SLC7A9: variants seen among roughly 807,000 people sequenced by gnomAD.
SLC7A9 encodes solute carrier family 7 member 9, also known as B(0,+)-type amino acid transporter 1.
A neutral mutation model predicts 54.1 loss-of-function variants in SLC7A9; 38 were observed. The observed-to-expected ratio is 0.70, with a 90% confidence interval of 0.54 to 0.92. SLC7A9 has a LOEUF of 0.92. Ranked by LOEUF, SLC7A9 falls within the 40% of genes least tolerant of loss-of-function variation. The pLI, the probability that SLC7A9 is intolerant of heterozygous loss-of-function variation, is 0.00. For missense variants in SLC7A9, 537 were observed against 636.1 expected (o/e 0.84, Z 1.68); for synonymous variants, 264 against 258.9 (o/e 1.02, Z -0.19).
In SLC7A9 at chr19:32,864,609, A is replaced by C. The variant is rs1390720741; in HGVS notation, c.235+20T>G. 4 of 1,611,878 alleles carry C rather than the reference A, an allele frequency of 2.5e-6. No homozygotes were observed. In the Admixed American group the frequency reaches 6.7e-5, roughly 27 times the overall value. ...CCCTGCATGCTTCCGGGGCTGCAAC[A>C]GGCTCCCAAGTCTCTTTACCCAGCG... On this transcript the variant is annotated intron_variant, in intron 3 of 12. Transcript: ENST00000023064.
rs545994432 is a variant in SLC7A9, at chr19:32,868,376, A to C, written c.87+72T>G. 5.9e-5 allele frequency: 67 copies of C among 1,139,994 alleles called. No individual in the cohort carries two copies. In the South Asian group the frequency reaches 8.1e-4, roughly 14 times the overall value. The allele number at this position is 1,139,994 out of a possible 1,614,324, so 70.6% of individuals were successfully genotyped here. ...GTCACTAGGGATCGGCCCGGATTTCACTGCCTGCGCCCCTCGTTCAGACGC... is the reference window on the plus strand; with the variant it reads ...GTCACTAGGGATCGGCCCGGATTTCCCTGCCTGCGCCCCTCGTTCAGACGC... On this transcript the variant is annotated intron_variant, in intron 2 of 12. Coordinates refer to ENST00000023064, the MANE Select transcript of SLC7A9 (RefSeq NM_014270.5).
intron 9 of SLC7A9, among the ~76,000 whole-genome samples, chr19:32,846,506 A>G (rs1968300800): frequency 6.6e-6 from 1 of 152,180 alleles, no homozygotes; most frequent in Non-Finnish European, 1.5e-5. Flanking sequence ...GATTAGGTAA[A>G]CAAAGCAGCC....
At chr19:32,842,096 G>T in intron 11 of SLC7A9, 72 bp downstream of exon 11, 1 of 1,443,118 alleles carries the variant, frequency 6.9e-7, no homozygotes, top group Non-Finnish European at 9.7e-7. Flanking sequence ...CATGCCCCTA[G>T]CATTTGAAAG....
chr19:32,858,411 C>T (rs868053825), intron 9 of SLC7A9, 29 bp downstream of exon 9: 2 of 1,510,378 alleles, frequency 1.3e-6, no homozygotes, highest in South Asian at 2.2e-5. Context: ...CCCCTGTCCA[C>T]CCTGGGAGTG....
In SLC7A9 at chr19:32,860,469, T is replaced by C. The variant is rs1172187360; in HGVS notation, c.749+137A>G. ...CTAGGCAACAGAGCAAGACTCTGTC[T>C]CAAAAAAAAAAAAAAAGAAATAATT... On this transcript the variant is annotated intron_variant, in intron 7 of 12. Coordinates refer to ENST00000023064, the MANE Select transcript of SLC7A9 (RefSeq NM_014270.5). 7 of 1,234,880 alleles carry C rather than the reference T, an allele frequency of 5.7e-6. No individual in the cohort carries two copies. In the South Asian group the frequency reaches 5.9e-5, roughly 10 times the overall value. The allele number at this position is 1,234,880 out of a possible 1,614,324, so 76.5% of individuals were successfully genotyped here. A position where few individuals can be genotyped will look rare whatever the true frequency, so the allele number is the denominator to read the frequency against.
intron 9 of SLC7A9, among the ~76,000 whole-genome samples, chr19:32,848,371 G>A (rs1968364106): frequency 6.6e-6 from 1 of 151,942 alleles, no homozygotes; most frequent in Admixed American, 6.6e-5. Flanking sequence ...AACAAAAAAA[G>A]GCAGGGGTTG....
chr19:32,846,737 C>A (rs1383802401), intron 9 of SLC7A9, among the ~76,000 whole-genome samples: 2 of 152,166 alleles, frequency 1.3e-5, no homozygotes, highest in Non-Finnish European at 2.9e-5. Context: ...GGGTCCCTGA[C>A]CCCCCAGCAG....
intron 9 of SLC7A9, among the ~76,000 whole-genome samples, chr19:32,851,621 T>C (rs1968468980): frequency 1.3e-5 from 2 of 151,832 alleles, no homozygotes; most frequent in Non-Finnish European, 2.9e-5. Flanking sequence ...GGCGATTCCT[T>C]AGGAATCTAG....
chr19:32,835,978 A>T (rs1599651373), intron 11 of SLC7A9, among the ~76,000 whole-genome samples: 1 of 151,630 alleles, frequency 6.6e-6, no homozygotes, highest in South Asian at 2.1e-4. Flanking sequence ...GCAGTGGCAC[A>T]ATCTCGGCTC....
At chr19:32,855,443 T>C (rs1259114627) in intron 9 of SLC7A9, among the ~76,000 whole-genome samples, 1 of 152,140 alleles carries the variant, frequency 6.6e-6, no homozygotes, top group Non-Finnish European at 1.5e-5. Context: ...CTCACGCCTG[T>C]AATCCCAGCA....
chr19:32,851,868 G>C (rs1316132993), intron 9 of SLC7A9, among the ~76,000 whole-genome samples: 1 of 151,986 alleles, frequency 6.6e-6, no homozygotes, highest in Non-Finnish European at 1.5e-5. Context: ...CATGTCCTTT[G>C]TAGGGACATG....
At chr19:32,852,987 C>T (rs1968514298) in intron 9 of SLC7A9, among the ~76,000 whole-genome samples, 1 of 147,598 alleles carries the variant, frequency 6.8e-6, no homozygotes, top group Non-Finnish European at 1.5e-5. Flanking sequence ...AATCTCGGCT[C>T]ACTGCAACCT....
At chr19:32,848,430 G>C (rs1224085339) in intron 9 of SLC7A9, among the ~76,000 whole-genome samples, 1 of 150,132 alleles carries the variant, frequency 6.7e-6, no homozygotes, top group African/African-American at 2.5e-5. Context: ...AAGATCAAAA[G>C]AGACAAGGCC....
intron 9 of SLC7A9, among the ~76,000 whole-genome samples, chr19:32,858,209 G>A (rs892094190): frequency 1.1e-4 from 16 of 152,290 alleles, no homozygotes; most frequent in African/African-American, 3.6e-4. Flanking sequence ...GAAAGGCTGA[G>A]ATTCCAGGCA....
At chr19:32,857,203 G>A (rs1968653234) in intron 9 of SLC7A9, among the ~76,000 whole-genome samples, 1 of 152,062 alleles carries the variant, frequency 6.6e-6, no homozygotes, top group African/African-American at 2.4e-5. Context: ...CCAGGGCTTT[G>A]GGAAGTGGAG....
intron 11 of SLC7A9, among the ~76,000 whole-genome samples, chr19:32,837,302 CT>C (rs1967985854): frequency 2.6e-5 from 4 of 152,094 alleles, no homozygotes; most frequent in Admixed American, 6.6e-5. Context: ...CAAGACCAGT[CT>C]GGCCCACATG....
At chr19:32,862,673 T>TC in intron 4 of SLC7A9, 87 bp from the exon 5 acceptor site, 1 of 1,265,032 alleles carries the variant, frequency 7.9e-7, no homozygotes, top group East Asian at 2.9e-5. Flanking sequence ...TTTTTATTTT[T>TC]TTTTTTTTTT....
chr19:32,841,752 C>A (rs1031881278), intron 11 of SLC7A9, among the ~76,000 whole-genome samples: 1 of 152,058 alleles, frequency 6.6e-6, no homozygotes, highest in Non-Finnish European at 1.5e-5. Flanking sequence ...ACTAAAAATA[C>A]AAAAATTAGC....
rs1267043690 is a variant in SLC7A9 at position 32,864,436 on chromosome 19, G to A, written c.236-98C>T. The A allele has an allele frequency of 8.3e-6, 13 of 1,569,086 alleles. 1 individual carries two copies. The South Asian group carries it at 1.2e-4, about 15-fold the overall frequency. ...ACCGGAGGCTGCGCTCGTATGGAGG[G>A]GCCCACCGTGGTCCGCCCTCGCTGG... On this transcript the variant is annotated intron_variant, in intron 3 of 12. Transcript: ENST00000023064.
Sources: allele counts gnomAD v4.1 joint callset (sites outside exome capture counted in the v4.1 genomes callset), GRCh38; gene constraint gnomAD v4.1.1; transcripts MANE v1.5; gene names NCBI Gene and HGNC (gene_info 2026-07-23, HGNC 2026-07-21).